The following REV3L variants were observed in gnomAD, a reference collection of about 807,000 sequenced individuals.
REV3L encodes the protein REV3 like, DNA directed polymerase zeta catalytic subunit.
In REV3L, 69 loss-of-function variants were observed where a neutral mutation model predicts 299.4. The ratio of observed to expected loss-of-function variants is 0.23; its 90% CI spans 0.19 to 0.28. The LOEUF (loss-of-function observed/expected upper bound fraction) is 0.28, where lower values mean the gene tolerates loss of function less well. Ranked by LOEUF, REV3L falls within the 10% of genes least tolerant of loss-of-function variation. The probability of loss-of-function intolerance (pLI) is 1.00; values close to 1 mark genes in which losing one functional copy is unlikely to be tolerated. For synonymous variants in REV3L, 1,238 were observed against 1,271.4 expected, an observed-to-expected ratio of 0.97 and a Z score of 0.56; for missense variants, 3,128 against 3,693.8, an observed-to-expected ratio of 0.85 and a Z score of 3.97.
intron 26 of REV3L, among the ~76,000 whole-genome samples, chr6:111,318,572 T>G (rs976361433): frequency 1.1e-4 from 16 of 152,146 alleles, no homozygotes; most frequent in Admixed American, 2.0e-4. Flanking sequence ...ATGCAACATT[T>G]TTTTTGTTTG....
intron 1 of REV3L, among the ~76,000 whole-genome samples, chr6:111,439,197 T>G (rs1787948451): frequency 1.3e-5 from 2 of 152,248 alleles, no homozygotes; most frequent in Admixed American, 6.5e-5. Context: ...CTGTTCATTT[T>G]ATGTTTAGAG....
intron 1 of REV3L, chr6:111,430,959 A>G: frequency 1.3e-6 from 2 of 1,584,090 alleles, no homozygotes; most frequent in Admixed American, 3.5e-5. Context: ...GGAAGACTTC[A>G]GTCTGGTGTG....
intron 24 of REV3L, 136 bp from the exon 25 acceptor site, chr6:111,329,874 G>C: frequency 1.5e-6 from 1 of 659,604 alleles, no homozygotes; most frequent in East Asian, 2.7e-5. Context: ...CATAGTATTA[G>C]TGGCCGTCAA....
intron 1 of REV3L, among the ~76,000 whole-genome samples, chr6:111,455,396 CA>C (rs1790053299): frequency 6.6e-6 from 1 of 152,126 alleles, no homozygotes; most frequent in African/African-American, 2.4e-5. Flanking sequence ...TGAGCAAGAG[CA>C]AGCAGTTCAG....
chr6:111,469,738 C>A (rs1218261306), intron 1 of REV3L, among the ~76,000 whole-genome samples: 1 of 152,234 alleles, frequency 6.6e-6, no homozygotes, highest in African/African-American at 2.4e-5. Flanking sequence ...CTATCCTAGA[C>A]CAACCAGCTC....
rs552209619 is a variant in REV3L at position 111,482,235 on chromosome 6, C to T, written c.139+515G>A. 2.0e-5 allele frequency among the ~76,000 whole-genome samples: 3 copies of T among 152,308 alleles called. No individual in the cohort carries two copies. The South Asian group carries it at 6.2e-4, about 32-fold the overall frequency. ...CACTCTCTCCGGCCCACTGCATCTC[C>T]GGAACTGGCAGAGGAGAGCGAGGGT... On this transcript the variant is annotated intron_variant, in intron 1 of 31. Transcript: ENST00000368802.
chr6:111,392,719 T>C lies in REV3L; in HGVS notation c.662+157A>G, dbSNP rs1782064213. ...GTTTGTTTTTAAAATCGTTTATTCC[T>C]TGTAATACACTAATGTCAAGGTTTG... On this transcript the variant is annotated intron_variant, in intron 5 of 31. Transcript: ENST00000368802. 5.8e-6 allele frequency: 3 copies of C among 515,808 alleles called. No homozygotes were observed. The Admixed American group carries it at 9.5e-5, about 16-fold the overall frequency. The allele number at this position is 515,808 out of a possible 1,614,324, so 32.0% of individuals were successfully genotyped here. A position where few individuals can be genotyped will look rare whatever the true frequency, so the allele number is the denominator to read the frequency against.
intron 20 of REV3L, among the ~76,000 whole-genome samples, chr6:111,345,086 C>T (rs769214387): frequency 9.2e-5 from 14 of 152,052 alleles, no homozygotes; most frequent in Admixed American, 9.2e-4. Flanking sequence ...GAAAAGGCCA[C>T]AAGATTAAAT....
intron 1 of REV3L, 84 bp from the exon 2 acceptor site, chr6:111,416,556 T>A: frequency 8.9e-7 from 1 of 1,119,802 alleles, no homozygotes; most frequent in Non-Finnish European, 1.3e-6. Flanking sequence ...TTAAATGTTC[T>A]AATGGCAACA....
At chr6:111,482,672 G>C (rs1392771135) in intron 1 of REV3L, 78 bp downstream of exon 1, 34 of 925,612 alleles carry the variant, frequency 3.7e-5, no homozygotes, top group Admixed American at 5.3e-5. Flanking sequence ...GGTGGCGTGT[G>C]CGCGTGTGCG....
In REV3L at chr6:111,372,876, C is replaced by T; in HGVS notation, c.5479G>A (p.Gly1827Ser). The change falls in exon 13 of 32, where the codon GGT (glycine) becomes AGT (serine). Residue 1827 changes from glycine (G) to serine (S), a missense_variant. This residue lies in a region of REV3L where 2,409 missense variants were observed against 2,611.8 expected (regional missense o/e 0.92). Transcript: ENST00000368802. ...TCACAGGCCACGTCTACAAGTTCACCATCAGGGGAGGAGAGTATTGCAGTA... is the reference window on the plus strand; with the variant it reads ...TCACAGGCCACGTCTACAAGTTCACTATCAGGGGAGGAGAGTATTGCAGTA... ...SFTAILSSPD[G>S]ELVDVACEDL... 1 of 1,614,114 alleles carries T rather than the reference C, an allele frequency of 6.2e-7. No homozygotes were observed. Among genetic ancestry groups the T allele is most frequent in the Non-Finnish European group, 8.5e-7 (1 of 1,179,994 alleles).
chr6:111,369,185 G>A (rs1323654844), intron 13 of REV3L, among the ~76,000 whole-genome samples: 3 of 151,156 alleles, frequency 2.0e-5, no homozygotes, highest in Non-Finnish European at 4.4e-5. Flanking sequence ...GGGAGGCTGA[G>A]GCAGGAGAAT....
Position 111,389,112 on chromosome 6 carries a change from A to G in REV3L, c.856T>C (p.Ser286Pro). 1 of 1,612,242 alleles carries G rather than the reference A, an allele frequency of 6.2e-7. No homozygotes were observed. The highest frequency in any genetic ancestry group is 8.5e-7 in the Non-Finnish European group (1 of 1,178,352). ...AGCACTATTAGGTTTATACCTTGTG[A>G]CTCAGGTTGGCTCATTTGAGAAGTT... ...NETSQMSQPE[S>P]QDHRFVPATE... is the part of the protein sequence containing the mutation. Residue 286 changes from serine to proline, a missense_variant, in exon 7 of 32, where the codon TCA (serine) becomes CCA (proline). By Grantham distance (74) the Ser-to-Pro change is moderately conservative (BLOSUM62 -1). Around this residue, in one of 9 missense-constraint regions of REV3L, gnomAD observed 2,409 missense variants for 2,611.8 expected, o/e 0.92. Coordinates refer to ENST00000368802, the MANE Select transcript of REV3L (RefSeq NM_001372078.1).
intron 31 of REV3L, among the ~76,000 whole-genome samples, chr6:111,306,435 C>T (rs1772310128): frequency 6.6e-6 from 1 of 152,078 alleles, no homozygotes; most frequent in South Asian, 2.1e-4. Flanking sequence ...ACGGAGATGA[C>T]TTATCAACAA....
chr6:111,389,369 C>T (rs1351258768), intron 6 of REV3L, among the ~76,000 whole-genome samples, 159 bp from the exon 7 acceptor site: 1 of 152,154 alleles, frequency 6.6e-6, no homozygotes, highest in South Asian at 2.1e-4. Flanking sequence ...CTATGTTACT[C>T]CTTTTTTAGT....
At chr6:111,449,891 G>A (rs1373040552) in intron 1 of REV3L, among the ~76,000 whole-genome samples, 1 of 152,060 alleles carries the variant, frequency 6.6e-6, no homozygotes, top group Non-Finnish European at 1.5e-5. Flanking sequence ...AAACAAGCCA[G>A]GAAATGATAC....
chr6:111,426,548 G>C (rs1007813807), intron 1 of REV3L, among the ~76,000 whole-genome samples: 3 of 152,152 alleles, frequency 2.0e-5, no homozygotes, highest in Admixed American at 6.6e-5. Context: ...ACTCCCACAA[G>C]CTTAGCAGCC....
intron 1 of REV3L, among the ~76,000 whole-genome samples, chr6:111,456,138 C>T (rs1790132807): frequency 6.6e-6 from 1 of 152,160 alleles, no homozygotes; most frequent in Non-Finnish European, 1.5e-5. Context: ...AAATCGCCTA[C>T]CAATGCATTT....
chr6:111,365,126 T>C, intron 15 of REV3L, 139 bp downstream of exon 15: 2 of 544,078 alleles, frequency 3.7e-6, no homozygotes, highest in Non-Finnish European at 6.3e-6. Flanking sequence ...TTTTGTTGTC[T>C]CAAAGATATG....
Sources: gnomAD v4.1 joint callset for allele counts (sites outside exome capture counted in the v4.1 genomes callset) on GRCh38, gnomAD v4.1.1 for gene constraint, gnomAD v4.1.1 regional missense constraint, MANE v1.5 for transcripts, NCBI Gene and HGNC (gene_info 2026-07-23, HGNC 2026-07-21) for gene names.